The following MROH2B variants were observed in gnomAD, a reference collection of about 807,000 sequenced individuals.
The protein encoded by MROH2B is maestro heat-like repeat-containing protein family member 2B.
MROH2B carries 177 observed loss-of-function variants against 208.6 expected under a neutral mutation model. The ratio of observed to expected loss-of-function variants is 0.85; its 90% CI spans 0.75 to 0.96. The LOEUF is 0.96. MROH2B is among the 40% of genes least tolerant of loss of function. The pLI, the probability that MROH2B is intolerant of heterozygous loss-of-function variation, is 0.00. For missense variants in MROH2B, 2,002 were observed against 1,878.7 expected (o/e 1.07, Z -1.21); for synonymous variants, 728 against 659.0 (o/e 1.10, Z -1.60).
rs191930897 is a variant in MROH2B, at chr5:41,065,346, A to C, written c.346T>G (p.Leu116Val). The C allele has an allele frequency of 2.3e-5, 37 of 1,612,396 alleles. No individual in the cohort carries two copies. The highest frequency in any genetic ancestry group is 3.1e-5 in the Non-Finnish European group (37 of 1,179,284). Residue 116 changes from leucine to valine, a missense_variant, in exon 4 of 42, where the codon TTG (leucine) becomes GTG (valine). Coordinates refer to ENST00000399564, the MANE Select transcript of MROH2B (RefSeq NM_173489.5). Reference sequence around the variant, plus strand: ...CCCGCTATACCATAGCTGGTTGCCAATTCAGCCAGGGCAAGCACAACGAAT... The same window carrying C: ...CCCGCTATACCATAGCTGGTTGCCACTTCAGCCAGGGCAAGCACAACGAAT... ...DEFVVLALAE[L>V]ATSYVSQSIP...
chr5:41,043,943 T>C (rs1259429206), intron 18 of MROH2B, among the ~76,000 whole-genome samples: 2 of 151,962 alleles, frequency 1.3e-5, no homozygotes, highest in Admixed American at 6.6e-5. Context: ...GCTGTGCTAG[T>C]TAAGATGCAT....
At chr5:41,043,531 C>T (rs1041703875) in intron 18 of MROH2B, among the ~76,000 whole-genome samples, 6 of 152,136 alleles carry the variant, frequency 3.9e-5, no homozygotes, top group Admixed American at 1.3e-4. Flanking sequence ...GTCTTAGTGC[C>T]TCCCAGTCCT....
At chr5:41,049,458 G>A in intron 13 of MROH2B, 22 bp from the exon 14 acceptor site, 1 of 1,597,902 alleles carries the variant, frequency 6.3e-7, no homozygotes, top group Non-Finnish European at 8.5e-7. Flanking sequence ...AGGGCATGAT[G>A]CAAGGATTGC....
chr5:41,007,006 A>T (rs879736177), intron 34 of MROH2B, among the ~76,000 whole-genome samples: 1 of 152,160 alleles, frequency 6.6e-6, no homozygotes, highest in Non-Finnish European at 1.5e-5. Context: ...AATTTTTTTT[A>T]AAAAGCTGAT....
At chr5:41,002,386 T>C (rs1374027674) in intron 37 of MROH2B, among the ~76,000 whole-genome samples, 1 of 152,172 alleles carries the variant, frequency 6.6e-6, no homozygotes, top group East Asian at 1.9e-4. Flanking sequence ...TGGGGAATAG[T>C]AGCAAGAAGG....
chr5:41,041,789 TC>T (rs1742961566), intron 19 of MROH2B, among the ~76,000 whole-genome samples: 1 of 152,230 alleles, frequency 6.6e-6, no homozygotes, highest in Admixed American at 6.5e-5. Context: ...ATAAGTAATT[TC>T]AGCTTGTAAA....
chr5:41,046,343 T>C (rs916905995), intron 17 of MROH2B, among the ~76,000 whole-genome samples: 2 of 152,090 alleles, frequency 1.3e-5, no homozygotes, highest in African/African-American at 4.8e-5. Flanking sequence ...TCAACTCTAG[T>C]AACTAAAGAT....
chr5:41,043,097 T>C (rs1056927508), intron 18 of MROH2B, among the ~76,000 whole-genome samples: 2 of 152,094 alleles, frequency 1.3e-5, no homozygotes, highest in Non-Finnish European at 2.9e-5. Flanking sequence ...TTACTGACAA[T>C]AGGAAAATCT....
intron 3 of MROH2B, among the ~76,000 whole-genome samples, chr5:41,065,737 C>T (rs2150183385): frequency 6.6e-6 from 1 of 152,064 alleles, no homozygotes; most frequent in East Asian, 1.9e-4. Context: ...TCTACTGACC[C>T]CCAAATCTGC....
At chr5:41,034,013 G>T in intron 21 of MROH2B, 149 bp from the exon 22 acceptor site, 3 of 1,205,656 alleles carry the variant, frequency 2.5e-6, no homozygotes, top group African/African-American at 1.6e-5. Flanking sequence ...CAAGGGGAGG[G>T]GGGCAATTCA....
At chr5:41,032,673 T>G (rs1292790987) in intron 24 of MROH2B, 69 bp downstream of exon 24, 1 of 1,280,782 alleles carries the variant, frequency 7.8e-7, no homozygotes, top group Non-Finnish European at 1.1e-6. Context: ...CACTAACAGA[T>G]GTTAGTTGAT....
rs899942918 is a variant in MROH2B, at chr5:41,000,462, A to G, written c.4351-111T>C. 43 of 1,435,060 alleles carry G rather than the reference A, an allele frequency of 3.0e-5. No individual in the cohort carries two copies. In the Admixed American group the frequency reaches 3.5e-4, roughly 12 times the overall value. The allele number at this position is 1,435,060 out of a possible 1,614,324, so 88.9% of individuals were successfully genotyped here. A position where few individuals can be genotyped will look rare whatever the true frequency, so the allele number is the denominator to read the frequency against. ...GAAGCACTAAAAGTCAGTGGTGTGA[A>G]TGGCTTTATAGTCATTGCTGGCACC... On this transcript the variant is annotated intron_variant, in intron 38 of 41. Transcript: ENST00000399564.
chr5:41,006,967 C>T (rs546112032), intron 34 of MROH2B, among the ~76,000 whole-genome samples: 2 of 151,708 alleles, frequency 1.3e-5, no homozygotes, highest in East Asian at 3.9e-4. Flanking sequence ...CCACCTGTTC[C>T]CCAAAAACCT....
chr5:41,012,557 G>A (rs374841909), intron 30 of MROH2B, 26 bp downstream of exon 30: 147 of 1,600,434 alleles, frequency 9.2e-5, no homozygotes, highest in Non-Finnish European at 1.2e-4. Context: ...AATCTGTTCA[G>A]TTGTTAAAAC....
At chr5:41,054,736 C>T in intron 11 of MROH2B, 31 bp downstream of exon 11, 3 of 1,493,128 alleles carry the variant, frequency 2.0e-6, no homozygotes, top group African/African-American at 2.8e-5. Flanking sequence ...TTAAAGCTAC[C>T]ATCGACAAGA....
chr5:41,063,253 G>T (rs975145453), intron 5 of MROH2B, among the ~76,000 whole-genome samples: 50 of 152,194 alleles, frequency 3.3e-4, no homozygotes, highest in African/African-American at 1.2e-3. Flanking sequence ...TGTTAGCTAT[G>T]ATAATGAGTA....
chr5:41,064,616 A>C (rs192411699), intron 4 of MROH2B, 46 bp from the exon 5 acceptor site: 2 of 1,499,114 alleles, frequency 1.3e-6, no homozygotes, highest in African/African-American at 1.4e-5. Context: ...TATCTTCTCA[A>C]ATTTGGGGTT....
At chr5:41,004,666 G>A in intron 36 of MROH2B, 108 bp downstream of exon 36, 2 of 1,528,382 alleles carry the variant, frequency 1.3e-6, no homozygotes, top group Non-Finnish European at 1.8e-6. Context: ...CTTCAGCAAT[G>A]TATCTGGATT....
chr5:41,067,316 T>A (rs1743842253), intron 2 of MROH2B, 98 bp from the exon 3 acceptor site: 1 of 671,088 alleles, frequency 1.5e-6, no homozygotes, highest in Admixed American at 2.3e-5. Flanking sequence ...AAGCAATATA[T>A]CTTTACTACA....
Sources: allele counts gnomAD v4.1 joint callset (sites outside exome capture counted in the v4.1 genomes callset), GRCh38; gene constraint gnomAD v4.1.1; transcripts MANE v1.5; gene names NCBI Gene and HGNC (gene_info 2026-07-23, HGNC 2026-07-21).